BABAM2: variants seen among roughly 807,000 people sequenced by gnomAD.
The protein encoded by BABAM2 is BRISC and BRCA1 A complex member 2.
BABAM2 carries 31 observed loss-of-function variants against 54.7 expected under a neutral mutation model. The ratio of observed to expected loss-of-function variants is 0.57; its 90% CI spans 0.43 to 0.77. The LOEUF (loss-of-function observed/expected upper bound fraction) is 0.77. Among genes scored for constraint, BABAM2 ranks in the 30% least tolerant of loss-of-function variants. The pLI is 0.00. For missense variants in BABAM2, 364 were observed against 455.8 expected, an observed-to-expected ratio of 0.80 and a Z score of 1.83; for synonymous variants, 167 against 162.9, an observed-to-expected ratio of 1.03 and a Z score of -0.19.
chr2:28,198,825 A>C (rs1391638344), intron 7 of BABAM2, among the ~76,000 whole-genome samples: 1 of 152,216 alleles, frequency 6.6e-6, no homozygotes, highest in African/African-American at 2.4e-5. Flanking sequence ...GGGGAAAATA[A>C]AAAGGAAAGG....
At chr2:27,908,147 A>T (rs758849294) in intron 2 of BABAM2, among the ~76,000 whole-genome samples, 1 of 152,164 alleles carries the variant, frequency 6.6e-6, no homozygotes, top group African/African-American at 2.4e-5. Flanking sequence ...GATTCAGTGG[A>T]TACATATGCA....
At chr2:28,045,918 A>G in intron 6 of BABAM2, 119 bp downstream of exon 6, 1 of 805,830 alleles carries the variant, frequency 1.2e-6, no homozygotes. Context: ...TCTATTAAAA[A>G]TATTTCTTAC....
At chr2:27,930,088 A>G in intron 3 of BABAM2, 180 bp downstream of exon 3, 1 of 576,628 alleles carries the variant, frequency 1.7e-6, no homozygotes, top group South Asian at 2.2e-5. Context: ...GGCAGTTGGC[A>G]GGGAATACGT....
intron 3 of BABAM2, among the ~76,000 whole-genome samples, chr2:27,956,388 T>A (rs543391785): frequency 2.0e-5 from 3 of 152,278 alleles, no homozygotes; most frequent in African/African-American, 7.2e-5. Flanking sequence ...AAGGAAGAAA[T>A]TTTTGGATTT....
At chr2:28,310,027 C>A in intron 11 of BABAM2, 1 of 1,545,574 alleles carries the variant, frequency 6.5e-7, no homozygotes, top group Non-Finnish European at 8.9e-7. Context: ...ATTATTGGAT[C>A]CTTGAACCCT....
intron 6 of BABAM2, among the ~76,000 whole-genome samples, chr2:28,100,518 A>G (rs1666993840): frequency 1.3e-5 from 2 of 151,884 alleles, no homozygotes; most frequent in Admixed American, 1.3e-4. Context: ...ACCTAGTTGA[A>G]AAACTATGCT....
rs1184253667 is a variant in BABAM2 at position 27,900,814 on chromosome 2, C to A, written c.128+6130C>A. 2.0e-5 allele frequency among the ~76,000 whole-genome samples: 3 copies of A among 152,010 alleles called. No homozygotes were observed. The South Asian group carries it at 6.2e-4, about 32-fold the overall frequency. On this transcript the variant is annotated intron_variant, in intron 2 of 11. Coordinates refer to ENST00000379624, the MANE Select transcript of BABAM2 (RefSeq NM_199191.3). ...ATCCCAGCACTTTGGGAGGCCGAGG[C>A]GGGCATATCACAAGGTCAGGAGATC...
intron 7 of BABAM2, among the ~76,000 whole-genome samples, chr2:28,187,684 T>G (rs1676462192): frequency 7.0e-6 from 1 of 143,456 alleles, no homozygotes; most frequent in Non-Finnish European, 1.5e-5. Flanking sequence ...TTTTTTTTTT[T>G]TGAGACGGAG....
chr2:28,172,240 T>C (rs549535434), intron 7 of BABAM2, among the ~76,000 whole-genome samples: 8 of 152,160 alleles, frequency 5.3e-5, no homozygotes, highest in Non-Finnish European at 8.8e-5. Context: ...TGCAATAATA[T>C]ACGTAGTTTT....
At chr2:28,188,727 T>A (rs1676583934) in intron 7 of BABAM2, among the ~76,000 whole-genome samples, 1 of 152,036 alleles carries the variant, frequency 6.6e-6, no homozygotes, top group East Asian at 1.9e-4. Context: ...CCTCATGAGC[T>A]CCCAAAGGAC....
chr2:28,242,207 A>G (rs550807592), intron 9 of BABAM2, among the ~76,000 whole-genome samples: 3 of 152,312 alleles, frequency 2.0e-5, no homozygotes, highest in South Asian at 2.1e-4. Flanking sequence ...CACTGCCAAC[A>G]GTGCCACACA....
chr2:27,949,692 A>G (rs1669562242), intron 3 of BABAM2, among the ~76,000 whole-genome samples: 1 of 152,206 alleles, frequency 6.6e-6, no homozygotes, highest in African/African-American at 2.4e-5. Context: ...AACAAACAGA[A>G]GGTCATTCAA....
chr2:28,039,718 G>A (rs1676924357), intron 5 of BABAM2, among the ~76,000 whole-genome samples: 1 of 152,336 alleles, frequency 6.6e-6, no homozygotes, highest in Non-Finnish European at 1.5e-5. Flanking sequence ...GAAGAAAACT[G>A]TCACAGCTGT....
At chr2:28,276,535 G>A (rs1031302764) in intron 10 of BABAM2, among the ~76,000 whole-genome samples, 4 of 152,196 alleles carry the variant, frequency 2.6e-5, no homozygotes, top group East Asian at 1.9e-4. Flanking sequence ...TGTGATCCAC[G>A]CTGGGTAACG....
intron 3 of BABAM2, among the ~76,000 whole-genome samples, chr2:27,957,621 T>C (rs958086807): frequency 1.3e-5 from 2 of 152,192 alleles, no homozygotes; most frequent in African/African-American, 4.8e-5. Flanking sequence ...AGCATGATTT[T>C]AGATGAAAAG....
intron 10 of BABAM2, among the ~76,000 whole-genome samples, chr2:28,284,192 T>G (rs947988823): frequency 2.6e-5 from 4 of 152,180 alleles, no homozygotes; most frequent in African/African-American, 9.7e-5. Flanking sequence ...TTATCTCAAA[T>G]GAAATTTCTA....
At chr2:28,204,896 G>A (rs1295335754) in intron 7 of BABAM2, among the ~76,000 whole-genome samples, 1 of 151,496 alleles carries the variant, frequency 6.6e-6, no homozygotes, top group African/African-American at 2.4e-5. Flanking sequence ...GACCTTGCAT[G>A]TTAACTAATT....
intron 5 of BABAM2, among the ~76,000 whole-genome samples, chr2:28,037,807 G>A (rs1676772632): frequency 6.6e-6 from 1 of 152,116 alleles, no homozygotes; most frequent in South Asian, 2.1e-4. Flanking sequence ...TCAGAGCTCC[G>A]AGCAAAATAT....
chr2:28,160,025 A>G (rs984619759), intron 7 of BABAM2, among the ~76,000 whole-genome samples: 19 of 152,298 alleles, frequency 1.2e-4, no homozygotes, highest in Admixed American at 7.8e-4. Flanking sequence ...TCTGTCACCC[A>G]GGCTAGAGTG....
Sources: allele counts gnomAD v4.1 joint callset (sites outside exome capture counted in the v4.1 genomes callset), GRCh38; gene constraint gnomAD v4.1.1; transcripts MANE v1.5; gene names NCBI Gene and HGNC (gene_info 2026-07-23, HGNC 2026-07-21).